Variants in TDRD3 observed in about 807,000 individuals in gnomAD.
TDRD3 encodes tudor domain containing 3.
In TDRD3, 45 loss-of-function variants were observed where a neutral mutation model predicts 86.7. That is an observed-to-expected ratio of 0.52 (90% CI 0.41 to 0.67). TDRD3 has a LOEUF of 0.67. Ranked by LOEUF, TDRD3 falls within the 30% of genes least tolerant of loss-of-function variation. TDRD3 has a pLI of 0.00. For missense variants in TDRD3, 814 were observed against 889.0 expected (o/e 0.92, Z 1.07); for synonymous variants, 298 against 301.7 (o/e 0.99, Z 0.13).
intron 11 of TDRD3, among the ~76,000 whole-genome samples, chr13:60,529,556 C>T (rs1008255677): frequency 6.6e-6 from 1 of 152,084 alleles, no homozygotes; most frequent in South Asian, 2.1e-4. Flanking sequence ...GGTAAAATTA[C>T]ACTGATTCAC....
At chr13:60,432,639 A>G (rs1221271433) in intron 1 of TDRD3, among the ~76,000 whole-genome samples, 1 of 152,158 alleles carries the variant, frequency 6.6e-6, no homozygotes. Context: ...AGATCTTCGT[A>G]TGGGTAATTT....
At chr13:60,545,827 T>A (rs1957927391) in intron 12 of TDRD3, among the ~76,000 whole-genome samples, 1 of 152,112 alleles carries the variant, frequency 6.6e-6, no homozygotes, top group Non-Finnish European at 1.5e-5. Context: ...TGGTACTTAC[T>A]CTAAATTTTC....
chr13:60,399,391 C>G (rs1954033743), intron 1 of TDRD3, among the ~76,000 whole-genome samples: 2 of 152,218 alleles, frequency 1.3e-5, no homozygotes, highest in South Asian at 4.1e-4. Context: ...CTCATAAAGG[C>G]AGTAGTAATC....
At chr13:60,472,839 A>G (rs928366209) in intron 5 of TDRD3, among the ~76,000 whole-genome samples, 2 of 152,148 alleles carry the variant, frequency 1.3e-5, no homozygotes, top group African/African-American at 4.8e-5. Context: ...AGAGAGTACA[A>G]TGGTGATTTC....
chr13:60,412,615 T>G (rs1233678402), intron 1 of TDRD3, among the ~76,000 whole-genome samples: 1 of 152,178 alleles, frequency 6.6e-6, no homozygotes, highest in African/African-American at 2.4e-5. Context: ...TTTATGTATT[T>G]TGTAACTTTC....
chr13:60,485,728 A>T, intron 6 of TDRD3, 71 bp from the exon 7 acceptor site: 2 of 1,247,618 alleles, frequency 1.6e-6, no homozygotes, highest in Non-Finnish European at 1.1e-6. Context: ...TTGAAGAAGT[A>T]TTACTTTCTA....
chr13:60,535,041 T>G, intron 11 of TDRD3, 67 bp from the exon 12 acceptor site: 13 of 1,567,044 alleles, frequency 8.3e-6, no homozygotes, highest in Non-Finnish European at 1.0e-5. Context: ...AATTTACATT[T>G]CCCTCAAATA....
chr13:60,537,777 A>G (rs1478075581), intron 12 of TDRD3: 1 of 151,902 alleles, frequency 6.6e-6, no homozygotes, highest in African/African-American at 2.4e-5. Flanking sequence ...AATTTTTTTT[A>G]TTGTGAAATG....
chr13:60,553,146 A>G (rs542465282), intron 12 of TDRD3, among the ~76,000 whole-genome samples: 1 of 152,328 alleles, frequency 6.6e-6, no homozygotes, highest in South Asian at 2.1e-4. Flanking sequence ...AATTTTCCAA[A>G]TCTTTATGCT....
At chr13:60,543,229 C>T (rs1957857876) in intron 12 of TDRD3, among the ~76,000 whole-genome samples, 1 of 152,070 alleles carries the variant, frequency 6.6e-6, no homozygotes, top group African/African-American at 2.4e-5. Context: ...CAACCCAGAC[C>T]ATCATAAGAA....
chr13:60,512,994 C>G (rs1369953556), intron 10 of TDRD3, among the ~76,000 whole-genome samples: 2 of 152,228 alleles, frequency 1.3e-5, no homozygotes, highest in Non-Finnish European at 2.9e-5. Flanking sequence ...CTGCACTGCC[C>G]TAGCAGAGGT....
rs139044560 is a variant in TDRD3 at position 60,468,930 on chromosome 13, A to G, written c.495+1551A>G. Among the ~76,000 whole-genome samples, 694 of 152,320 alleles carry G rather than the reference A, an allele frequency of 4.6e-3. 3 individuals are homozygous for G. Among genetic ancestry groups the G allele is most frequent in the Non-Finnish European group, 7.2e-3 (487 of 68,014 alleles). ...TCTTGCCTGTTTTGTAAAGTCAGCC[A>G]AAGGCCTAAGCAATATTTCAAGCTT... On this transcript the variant is annotated intron_variant, in intron 5 of 13. Transcript: ENST00000377881.
rs138335413 is a variant in TDRD3, at chr13:60,428,384, G to A, written c.42-11304G>A. On this transcript the variant is annotated intron_variant, in intron 1 of 13. Coordinates refer to ENST00000377881, the MANE Select transcript of TDRD3 (RefSeq NM_001146070.2). ...CAGGCTACTATGAAGAGGTATGGGG[G>A]ATGTAGTCAAATTATGTTTTCTAAG... 4.2e-3 allele frequency among the ~76,000 whole-genome samples: 634 copies of A among 152,032 alleles called. 6 individuals are homozygous for A. Among genetic ancestry groups the A allele is most frequent in the African/African-American group, 0.014 (582 of 41,448 alleles).
chr13:60,543,214 G>A (rs751100312), intron 12 of TDRD3, among the ~76,000 whole-genome samples: 23 of 152,156 alleles, frequency 1.5e-4, no homozygotes, highest in Admixed American at 3.3e-4. Flanking sequence ...AGAGGTTCTA[G>A]TAAACAACCC....
intron 11 of TDRD3, among the ~76,000 whole-genome samples, chr13:60,532,145 A>G (rs2137800679): frequency 6.6e-6 from 1 of 152,328 alleles, no homozygotes; most frequent in East Asian, 1.9e-4. Context: ...AAAAAAATCA[A>G]AGTACCAAAT....
chr13:60,470,846 G>A (rs2138097387), intron 5 of TDRD3, among the ~76,000 whole-genome samples: 1 of 152,204 alleles, frequency 6.6e-6, no homozygotes, highest in Non-Finnish European at 1.5e-5. Context: ...GCCTCTAAAA[G>A]TGCTGGGATT....
intron 3 of TDRD3, among the ~76,000 whole-genome samples, chr13:60,454,240 G>T (rs1164281607): frequency 6.6e-6 from 1 of 152,100 alleles, no homozygotes; most frequent in Admixed American, 6.6e-5. Flanking sequence ...GGCTTGATAT[G>T]TATTGGTAAA....
At chr13:60,421,800 A>G (rs1420274565) in intron 1 of TDRD3, among the ~76,000 whole-genome samples, 1 of 152,232 alleles carries the variant, frequency 6.6e-6, no homozygotes, top group Non-Finnish European at 1.5e-5. Flanking sequence ...TTGGTGATCC[A>G]AGGCAGACCT....
At chr13:60,515,601 G>A (rs1239295606) in intron 10 of TDRD3, among the ~76,000 whole-genome samples, 1 of 152,148 alleles carries the variant, frequency 6.6e-6, no homozygotes, top group Non-Finnish European at 1.5e-5. Context: ...TTGCCCTCAG[G>A]TATCTTTAGC....
Sources: allele counts gnomAD v4.1 joint callset (sites outside exome capture counted in the v4.1 genomes callset), GRCh38; gene constraint gnomAD v4.1.1; transcripts MANE v1.5; gene names NCBI Gene and HGNC (gene_info 2026-07-23, HGNC 2026-07-21).